AJAP1: variants seen among roughly 807,000 people sequenced by gnomAD.
AJAP1 encodes the protein adherens junction-associated protein 1.
AJAP1 carries 5 observed loss-of-function variants against 35.0 expected under a neutral mutation model. The observed-to-expected ratio is 0.14, with a 90% CI of 0.07 to 0.30. AJAP1 has a LOEUF of 0.30. Among genes scored for constraint, AJAP1 ranks in the 10% least tolerant of loss-of-function variants. The pLI is 1.00. For synonymous variants in AJAP1, 284 were observed against 249.3 expected, an observed-to-expected ratio of 1.14 and a Z score of -1.31; for missense variants, 586 against 571.0, an observed-to-expected ratio of 1.03 and a Z score of -0.27.
At chr1:4,670,247 T>C (rs1639223145) in intron 1 of AJAP1, among the ~76,000 whole-genome samples, 1 of 152,140 alleles carries the variant, frequency 6.6e-6, no homozygotes, top group Admixed American at 6.5e-5. Flanking sequence ...TCTTTACTCC[T>C]TACACATCCC....
At chr1:4,700,262 G>A (rs1472238903) in intron 1 of AJAP1, among the ~76,000 whole-genome samples, 1 of 152,106 alleles carries the variant, frequency 6.6e-6, no homozygotes, top group Non-Finnish European at 1.5e-5. Flanking sequence ...CCATAAAGTA[G>A]GATCAAACCA....
chr1:4,696,507 G>A (rs1010314318), intron 1 of AJAP1, among the ~76,000 whole-genome samples: 1 of 152,192 alleles, frequency 6.6e-6, no homozygotes, highest in African/African-American at 2.4e-5. Flanking sequence ...CCATGCTGAC[G>A]GGCAGCCGCC....
chr1:4,749,548 A>G (rs537096169), intron 2 of AJAP1, among the ~76,000 whole-genome samples: 5 of 152,328 alleles, frequency 3.3e-5, no homozygotes, highest in Admixed American at 2.0e-4. Flanking sequence ...CCAGCCCTCC[A>G]CGGACGTGGG....
intron 2 of AJAP1, among the ~76,000 whole-genome samples, chr1:4,724,731 C>G (rs1287462813): frequency 6.6e-6 from 1 of 151,276 alleles, no homozygotes; most frequent in Non-Finnish European, 1.5e-5. Context: ...AGCTCCATAG[C>G]CATTGTCTGA....
intron 2 of AJAP1, among the ~76,000 whole-genome samples, chr1:4,716,269 T>C (rs1640387300): frequency 6.6e-6 from 1 of 152,212 alleles, no homozygotes; most frequent in Non-Finnish European, 1.5e-5. Context: ...TTCAGGGTAA[T>C]GGTTAAGAGT....
intron 2 of AJAP1, among the ~76,000 whole-genome samples, chr1:4,735,421 TC>T (rs1259024823): frequency 1.3e-5 from 2 of 152,154 alleles, no homozygotes; most frequent in Non-Finnish European, 2.9e-5. Flanking sequence ...TTTGGGACTC[TC>T]CTGGTTGAAT....
At chr1:4,677,780 C>T (rs76211527) in intron 1 of AJAP1, among the ~76,000 whole-genome samples, 6,453 of 152,092 alleles carry the variant, frequency 0.042, 179 homozygotes, top group South Asian at 0.074. Flanking sequence ...TTGAGGTCAT[C>T]AGAAGCCAGT....
intron 2 of AJAP1, among the ~76,000 whole-genome samples, chr1:4,759,957 C>T (rs1465552643): frequency 6.6e-6 from 1 of 152,158 alleles, no homozygotes; most frequent in Non-Finnish European, 1.5e-5. Flanking sequence ...CATAGGGTGT[C>T]TCTTCCCCAA....
Position 4,743,394 on chromosome 1 carries a change from G to C in AJAP1, c.830-26459G>C, listed in dbSNP as rs576714977. Reference sequence around the variant, plus strand: ...AAAAGGGGCTCGAGACAGTGCACCTGGTTATGGAAAACTAAAAGGGAAGGG... The same window carrying C: ...AAAAGGGGCTCGAGACAGTGCACCTCGTTATGGAAAACTAAAAGGGAAGGG... On this transcript the variant is annotated intron_variant, in intron 2 of 5. Coordinates refer to ENST00000378191, the MANE Select transcript of AJAP1 (RefSeq NM_018836.4). Among the ~76,000 whole-genome samples, 6 of 152,266 alleles carry C rather than the reference G, an allele frequency of 3.9e-5. No individual in the cohort carries two copies. The East Asian group carries it at 1.2e-3, about 29-fold the overall frequency.
chr1:4,666,308 G>A (rs1301623043), intron 1 of AJAP1, among the ~76,000 whole-genome samples: 2 of 152,196 alleles, frequency 1.3e-5, no homozygotes, highest in African/African-American at 4.8e-5. Context: ...AGTTGGGTCT[G>A]TGAAGCTGGA....
intron 2 of AJAP1, among the ~76,000 whole-genome samples, chr1:4,766,626 C>T (rs1641692122): frequency 6.6e-6 from 1 of 152,166 alleles, no homozygotes. Flanking sequence ...CCCAGGAGCC[C>T]ATTGAAACCC....
chr1:4,765,261 G>A (rs1236745121), intron 2 of AJAP1, among the ~76,000 whole-genome samples: 1 of 152,208 alleles, frequency 6.6e-6, no homozygotes, highest in Non-Finnish European at 1.5e-5. Flanking sequence ...GGAAAAGTTT[G>A]CTTGTTTGTT....
intron 1 of AJAP1, among the ~76,000 whole-genome samples, chr1:4,670,395 C>T (rs904102841): frequency 6.6e-6 from 1 of 152,192 alleles, no homozygotes; most frequent in Non-Finnish European, 1.5e-5. Flanking sequence ...TTCCCCTTTT[C>T]CTGGACCTCA....
chr1:4,780,539 A>C (rs1011103121), intron 5 of AJAP1, among the ~76,000 whole-genome samples: 1 of 151,570 alleles, frequency 6.6e-6, no homozygotes, highest in East Asian at 1.9e-4. Flanking sequence ...GGGGTGGGGC[A>C]CAGCTGGAGT....
At chr1:4,660,252 A>G (rs2100502460) in intron 1 of AJAP1, among the ~76,000 whole-genome samples, 1 of 152,366 alleles carries the variant, frequency 6.6e-6, no homozygotes, top group South Asian at 2.1e-4. Flanking sequence ...AAATGACAAA[A>G]TTATAGACGT....
intron 2 of AJAP1, among the ~76,000 whole-genome samples, chr1:4,759,511 C>T (rs1641516480): frequency 6.6e-6 from 1 of 152,196 alleles, no homozygotes; most frequent in East Asian, 1.9e-4. Context: ...GTCTTCTGCT[C>T]CAGGGAGCTG....
chr1:4,741,955 C>A (rs1178503099), intron 2 of AJAP1, among the ~76,000 whole-genome samples: 1 of 152,190 alleles, frequency 6.6e-6, no homozygotes. Context: ...AAAGTGGAAT[C>A]CCTGAGTGAA....
intron 1 of AJAP1, among the ~76,000 whole-genome samples, chr1:4,710,232 ACT>A (rs1240964035): frequency 1.3e-5 from 2 of 152,106 alleles, no homozygotes; most frequent in Non-Finnish European, 2.9e-5. Flanking sequence ...GCATAGATGC[ACT>A]CACACACTTC....
At chr1:4,744,970 C>T (rs955462206) in intron 2 of AJAP1, among the ~76,000 whole-genome samples, 2 of 152,008 alleles carry the variant, frequency 1.3e-5, no homozygotes, top group Non-Finnish European at 2.9e-5. Context: ...GCCACAGGGT[C>T]CAGACCTCTC....
Sources: allele counts gnomAD v4.1 joint callset (sites outside exome capture counted in the v4.1 genomes callset), GRCh38; gene constraint gnomAD v4.1.1; transcripts MANE v1.5; gene names NCBI Gene and HGNC (gene_info 2026-07-23, HGNC 2026-07-21).